CDKL2: variants seen among roughly 807,000 people sequenced by gnomAD.
CDKL2 encodes the protein cyclin-dependent kinase-like 2.
In CDKL2, 64 loss-of-function variants were observed where a neutral mutation model predicts 63.9. The ratio of observed to expected loss-of-function variants is 1.00; its 90% CI spans 0.82 to 1.23. CDKL2 has a LOEUF of 1.23. Among genes scored for constraint, CDKL2 ranks in the 50% most tolerant of loss-of-function variants. The pLI is 0.00. For synonymous variants in CDKL2, 211 were observed against 229.2 expected (o/e 0.92, Z 0.72); for missense variants, 656 against 668.0 (o/e 0.98, Z 0.20).
At chr4:75,601,425 T>C (rs1030114982) in intron 6 of CDKL2, among the ~76,000 whole-genome samples, 5 of 152,068 alleles carry the variant, frequency 3.3e-5, no homozygotes, top group African/African-American at 1.2e-4. Flanking sequence ...TAGCTTTAAA[T>C]GAACAAGAAA....
chr4:75,586,141 C>T (rs572023915), intron 12 of CDKL2, among the ~76,000 whole-genome samples: 79 of 151,904 alleles, frequency 5.2e-4, no homozygotes, highest in Admixed American at 2.3e-3. Context: ...ACCTCAAATA[C>T]CTGGCTATTA....
intron 3 of CDKL2, among the ~76,000 whole-genome samples, chr4:75,612,512 T>A (rs1392963977): frequency 6.6e-6 from 1 of 152,188 alleles, no homozygotes; most frequent in Non-Finnish European, 1.5e-5. Context: ...GGCAAGCCTA[T>A]CCTTAGTACA....
chr4:75,618,239 C>CTTTTTTTTTT (rs56002333), intron 2 of CDKL2, among the ~76,000 whole-genome samples: 2 of 52,946 alleles, frequency 3.8e-5, no homozygotes, highest in Admixed American at 3.3e-4. Flanking sequence ...ATTGAAAATT[C>CTTTTTTTTTT]TTTTTTTTTT....
At chr4:75,629,068 A>G (rs1018851088) in intron 1 of CDKL2, among the ~76,000 whole-genome samples, 9 of 143,750 alleles carry the variant, frequency 6.3e-5, no homozygotes, top group Non-Finnish European at 1.1e-4. Flanking sequence ...CTATTTTTTA[A>G]TAAACTGTTT....
chr4:75,601,334 T>G (rs566345146), intron 6 of CDKL2, among the ~76,000 whole-genome samples: 18 of 152,274 alleles, frequency 1.2e-4, no homozygotes, highest in South Asian at 4.1e-4. Flanking sequence ...TTATTTTATT[T>G]TATTTTATTT....
At chr4:75,626,645 C>T (rs537659947) in intron 1 of CDKL2, among the ~76,000 whole-genome samples, 124 of 79,106 alleles carry the variant, frequency 1.6e-3, no homozygotes, top group Non-Finnish European at 1.7e-3. Flanking sequence ...CCAGCCTGGG[C>T]AACAGAGTGA....
chr4:75,584,920 A>G (rs562968960), intron 12 of CDKL2, among the ~76,000 whole-genome samples: 10 of 152,352 alleles, frequency 6.6e-5, no homozygotes, highest in African/African-American at 2.2e-4. Flanking sequence ...AAAACTATAG[A>G]TAAGGGGGGA....
At chr4:75,608,352 T>C (rs1315890249) in intron 3 of CDKL2, among the ~76,000 whole-genome samples, 1 of 149,366 alleles carries the variant, frequency 6.7e-6, no homozygotes, top group Non-Finnish European at 1.5e-5. Flanking sequence ...CTCAAACTCC[T>C]GACCTCAGGT....
At chr4:75,607,160 C>T in intron 4 of CDKL2, 23 bp downstream of exon 4, 3 of 1,572,144 alleles carry the variant, frequency 1.9e-6, no homozygotes, top group Non-Finnish European at 2.6e-6. Flanking sequence ...AAAATCTACT[C>T]CTCCCCATTA....
At chr4:75,610,406 T>A (rs1729640270) in intron 3 of CDKL2, among the ~76,000 whole-genome samples, 1 of 152,048 alleles carries the variant, frequency 6.6e-6, no homozygotes, top group Admixed American at 6.6e-5. Flanking sequence ...CACAATAGAT[T>A]CTAAGTATAA....
At chr4:75,596,828 G>T in intron 9 of CDKL2, 107 bp downstream of exon 9, 1 of 925,876 alleles carries the variant, frequency 1.1e-6, no homozygotes. Context: ...AGAATGAATA[G>T]CATCCAGAAT....
rs748452622 is a variant in CDKL2, at chr4:75,596,957, T to C, written c.1300A>G (p.Thr434Ala). 6.2e-7 allele frequency: 1 copy of C among 1,614,066 alleles called. No homozygotes were observed. Among genetic ancestry groups the C allele is most frequent in the South Asian group, 1.1e-5 (1 of 91,080 alleles). Residue 434 changes from threonine to alanine, a missense_variant, in exon 9 of 14, where the codon ACT (threonine) becomes GCT (alanine). Physicochemically the swap from Thr to Ala is moderately conservative, Grantham distance 58. Transcript: ENST00000307465. ...TACCTGTAACCCTGAATTGGTATAG[T>C]CTCAGTCCCCATTCCAGAATTAATG... Reference protein sequence around the residue: ...PSINSGMGTETIPIQGYRVDE... With the variant: ...PSINSGMGTEAIPIQGYRVDE...
chr4:75,591,937 T>C lies in CDKL2; in HGVS notation c.1541-12A>G, dbSNP rs1233690953. 1.3e-6 allele frequency: 2 copies of C among 1,525,250 alleles called. No individual in the cohort carries two copies. The highest frequency in any genetic ancestry group is 1.8e-6 in the Non-Finnish European group (2 of 1,137,366). 94.5% of individuals were successfully genotyped at this position (1,525,250 alleles called of 1,614,324 possible). ...CCTGGAATTTCGAGCTAGATAGAAA[T>C]GACCATAAACACAGTGAAAATATTA... On this transcript the variant is annotated splice_polypyrimidine_tract_variant and intron_variant, in intron 11 of 13. Transcript: ENST00000307465.
chr4:75,622,680 T>C (rs1730202074), intron 2 of CDKL2, among the ~76,000 whole-genome samples: 1 of 120,716 alleles, frequency 8.3e-6, no homozygotes, highest in South Asian at 2.6e-4. Flanking sequence ...ATTGCACCAC[T>C]GTACTCCAGC....
intron 1 of CDKL2, among the ~76,000 whole-genome samples, chr4:75,628,010 A>C (rs1730511153): frequency 6.6e-6 from 1 of 151,336 alleles, no homozygotes; most frequent in Non-Finnish European, 1.5e-5. Context: ...AATTTAATGT[A>C]ATTATTAAAT....
intron 1 of CDKL2, among the ~76,000 whole-genome samples, chr4:75,627,202 C>CAAAA (rs533079777): frequency 7.6e-6 from 1 of 131,154 alleles, no homozygotes; most frequent in Non-Finnish European, 1.7e-5. Flanking sequence ...GACTCTGTCT[C>CAAAA]AAAAAAAAAA....
At chr4:75,609,434 G>A (rs115878466) in intron 3 of CDKL2, among the ~76,000 whole-genome samples, 14,632 of 151,352 alleles carry the variant, frequency 0.097, 854 homozygotes, top group Middle Eastern at 0.27. Context: ...GTGAAACCCC[G>A]TCCCTAGTCA....
intron 7 of CDKL2, among the ~76,000 whole-genome samples, chr4:75,599,331 G>A (rs573391061): frequency 6.6e-6 from 1 of 152,168 alleles, no homozygotes; most frequent in Non-Finnish European, 1.5e-5. Context: ...GGAGGCCCAG[G>A]TGGGCAGATC....
Position 75,577,055 on chromosome 4 carries a change from A to G in CDKL2, c.*2147T>C, listed in dbSNP as rs1728054603. 6.6e-6 allele frequency among the ~76,000 whole-genome samples: 1 copy of G among 152,186 alleles called. No individual in the cohort carries two copies. The highest frequency in any genetic ancestry group is 6.5e-5 in the Admixed American group (1 of 15,282). ...TTTGTTAAATACCATACAGTAGTGTATATATTATTTATAGCCTCTTAATTA... is the reference window on the plus strand; with the variant it reads ...TTTGTTAAATACCATACAGTAGTGTGTATATTATTTATAGCCTCTTAATTA... On this transcript the variant is annotated 3_prime_UTR_variant, in exon 14 of 14. Coordinates refer to ENST00000307465, the MANE Select transcript of CDKL2 (RefSeq NM_001330724.2).
Sources: allele counts gnomAD v4.1 joint callset (sites outside exome capture counted in the v4.1 genomes callset), GRCh38; gene constraint gnomAD v4.1.1; transcripts MANE v1.5; gene names NCBI Gene and HGNC (gene_info 2026-07-23, HGNC 2026-07-21).